Variants in SH3PXD2A observed in about 807,000 individuals in gnomAD.
SH3PXD2A encodes SH3 and PX domain-containing protein 2A.
In SH3PXD2A, 32 loss-of-function variants were observed where a neutral mutation model predicts 115.2. The ratio of observed to expected loss-of-function variants is 0.28; its 90% CI spans 0.21 to 0.37. The LOEUF is 0.37. Ranked by LOEUF, SH3PXD2A falls within the 10% of genes least tolerant of loss-of-function variation. SH3PXD2A has a pLI of 1.00. For missense variants in SH3PXD2A, 1,328 were observed against 1,498.7 expected, an observed-to-expected ratio of 0.89 and a Z score of 1.88; for synonymous variants, 610 against 629.1, an observed-to-expected ratio of 0.97 and a Z score of 0.45.
In SH3PXD2A at chr10:103,594,229, GC is replaced by G. The variant is rs2036103112; in HGVS notation, c.*7586del. On this transcript the variant is annotated 3_prime_UTR_variant, in exon 15 of 15. Transcript: ENST00000369774. ...CAAGGGGCTGGTCCCTTCCCCAAGG[GC>G]ACTGCATTTTTGTGATGAGATTAAA... 1 of 152,560 alleles carries G rather than the reference GC, an allele frequency of 6.6e-6. No individual in the cohort carries two copies. Among genetic ancestry groups the G allele is most frequent in the Non-Finnish European group, 1.5e-5 (1 of 68,038 alleles). The allele number at this position is 152,560 out of a possible 1,614,324, so 9.5% of individuals were successfully genotyped here.
rs138879425 is a variant in SH3PXD2A at position 103,668,543 on chromosome 10, C to T, written c.472+65G>A. 2.1e-3 allele frequency: 2,924 copies of T among 1,395,134 alleles called. 10 individuals carry two copies. Among genetic ancestry groups the T allele is most frequent in the African/African-American group, 4.9e-3 (347 of 70,170 alleles). 86.4% of individuals were successfully genotyped at this position (1,395,134 alleles called of 1,614,324 possible). ...AAGCATGCGCAGGGCCTGCAGGCAC[C>T]GGCTCCCGCGCACACGGACCTGGAA... On this transcript the variant is annotated intron_variant, in intron 7 of 14. Transcript: ENST00000369774.
In SH3PXD2A at chr10:103,826,129, T is replaced by C. The variant is rs117231886; in HGVS notation, c.73-24767A>G. Among the ~76,000 whole-genome samples the C allele has an allele frequency of 7.8e-3, 1,185 of 152,234 alleles. 5 individuals are homozygous for C. Among genetic ancestry groups the C allele is most frequent in the Middle Eastern group, 0.02 (6 of 294 alleles). ...AAAGTATTGTCAGCAAGTTTTCTCA[T>C]AAAATGAGAAATCTTGTAAATTAAA... On this transcript the variant is annotated intron_variant, in intron 1 of 14. Transcript: ENST00000369774.
At chr10:103,635,617 G>A (rs2036852524) in intron 8 of SH3PXD2A, among the ~76,000 whole-genome samples, 1 of 152,220 alleles carries the variant, frequency 6.6e-6, no homozygotes, top group Non-Finnish European at 1.5e-5. Context: ...ACGGTGTGTG[G>A]CAGAAACCTT....
intron 3 of SH3PXD2A, among the ~76,000 whole-genome samples, chr10:103,751,631 T>C (rs990076760): frequency 2.6e-5 from 4 of 152,220 alleles, no homozygotes; most frequent in Non-Finnish European, 5.9e-5. Context: ...AAAATCCTCA[T>C]GGGCACAGAT....
intron 5 of SH3PXD2A, among the ~76,000 whole-genome samples, chr10:103,706,493 G>T (rs190723608): frequency 6.6e-6 from 1 of 152,342 alleles, no homozygotes; most frequent in Non-Finnish European, 1.5e-5. Flanking sequence ...TTATTTTCCT[G>T]TGTGGCTGTC....
chr10:103,607,719 GGTGGGGAAAA>G (rs2036345852), intron 13 of SH3PXD2A, among the ~76,000 whole-genome samples: 2 of 152,182 alleles, frequency 1.3e-5, no homozygotes, highest in South Asian at 4.1e-4. Context: ...AGGGGGGAAA[GGTGGGGAAAA>G]GATTGAGAAA....
At chr10:103,723,318 C>T (rs1027951011) in intron 5 of SH3PXD2A, among the ~76,000 whole-genome samples, 2 of 152,176 alleles carry the variant, frequency 1.3e-5, no homozygotes, top group South Asian at 4.1e-4. Context: ...AAGTCCTCTC[C>T]CCAACCCTCT....
intron 14 of SH3PXD2A, among the ~76,000 whole-genome samples, chr10:103,604,008 T>A (rs73331471): frequency 0.044 from 6,671 of 152,278 alleles, 478 homozygotes; most frequent in African/African-American, 0.15. Flanking sequence ...GGGTTCCCAC[T>A]TGCCAAGTTC....
chr10:103,645,636 C>T (rs930850435), intron 8 of SH3PXD2A, among the ~76,000 whole-genome samples: 2 of 152,066 alleles, frequency 1.3e-5, no homozygotes, highest in Non-Finnish European at 2.9e-5. Flanking sequence ...AGGAACGGGC[C>T]GACATTCCTG....
intron 3 of SH3PXD2A, among the ~76,000 whole-genome samples, chr10:103,743,761 C>A (rs1171410331): frequency 6.6e-6 from 1 of 151,856 alleles, no homozygotes; most frequent in Admixed American, 6.6e-5. Context: ...AACAAACAAA[C>A]TCACAATCTA....
At chr10:103,808,137 T>G (rs1334742127) in intron 1 of SH3PXD2A, among the ~76,000 whole-genome samples, 1 of 151,780 alleles carries the variant, frequency 6.6e-6, no homozygotes, top group Non-Finnish European at 1.5e-5. Flanking sequence ...GGGCTGCAGC[T>G]CCCCATGAGA....
chr10:103,758,705 A>T (rs1342835363), intron 3 of SH3PXD2A, among the ~76,000 whole-genome samples: 1 of 152,230 alleles, frequency 6.6e-6, no homozygotes, highest in African/African-American at 2.4e-5. Context: ...ATTTTTGGGG[A>T]TGGGAAGCAG....
intron 1 of SH3PXD2A, among the ~76,000 whole-genome samples, chr10:103,807,377 T>C (rs1381231661): frequency 1.3e-5 from 2 of 152,158 alleles, no homozygotes; most frequent in Non-Finnish European, 2.9e-5. Flanking sequence ...GGTACTGTGG[T>C]CCCATTTACT....
chr10:103,755,244 C>T (rs138495108), intron 3 of SH3PXD2A: 1 of 152,184 alleles, frequency 6.6e-6, no homozygotes, highest in Non-Finnish European at 1.5e-5. Context: ...GGACCTGATA[C>T]TAAAAATTAC....
intron 7 of SH3PXD2A, among the ~76,000 whole-genome samples, chr10:103,663,639 A>G (rs953968226): frequency 5.9e-5 from 9 of 152,336 alleles, no homozygotes; most frequent in African/African-American, 1.9e-4. Flanking sequence ...CTGTGTCCCT[A>G]TGGTGCTTGT....
At chr10:103,798,196 G>A (rs549310894) in intron 2 of SH3PXD2A, among the ~76,000 whole-genome samples, 11 of 152,202 alleles carry the variant, frequency 7.2e-5, no homozygotes, top group African/African-American at 2.7e-4. Flanking sequence ...GTCTATCAAA[G>A]GGGTCAAAGG....
At chr10:103,807,296 C>T (rs1246802427) in intron 1 of SH3PXD2A, among the ~76,000 whole-genome samples, 1 of 152,150 alleles carries the variant, frequency 6.6e-6, no homozygotes, top group African/African-American at 2.4e-5. Flanking sequence ...GTACCTGTTG[C>T]CCCCTTGGCT....
chr10:103,749,171 C>T (rs1051401215), intron 3 of SH3PXD2A, among the ~76,000 whole-genome samples: 1 of 136,130 alleles, frequency 7.3e-6, no homozygotes, highest in Non-Finnish European at 1.6e-5. Context: ...GCCACTGCAC[C>T]CAGCCTTCCT....
intron 5 of SH3PXD2A, among the ~76,000 whole-genome samples, chr10:103,695,090 G>A (rs1034330626): frequency 3.3e-5 from 5 of 152,218 alleles, no homozygotes; most frequent in African/African-American, 9.7e-5. Context: ...AGGGCTACTG[G>A]GGAAGGGCAG....
Sources: allele counts gnomAD v4.1 joint callset (sites outside exome capture counted in the v4.1 genomes callset), GRCh38; gene constraint gnomAD v4.1.1; transcripts MANE v1.5; gene names NCBI Gene and HGNC (gene_info 2026-07-23, HGNC 2026-07-21).